The following CXCL13 variants were observed in gnomAD, a reference collection of about 807,000 sequenced individuals.
The protein encoded by CXCL13 is C-X-C motif chemokine ligand 13, also known as C-X-C motif chemokine 13.
CXCL13 carries 7 observed loss-of-function variants against 12.2 expected under a neutral mutation model. The ratio of observed to expected loss-of-function variants is 0.57; its 90% CI spans 0.33 to 1.07. CXCL13 has a LOEUF of 1.07. CXCL13 is among the 50% of genes least tolerant of loss of function. CXCL13 has a pLI of 0.04. For missense variants in CXCL13, 113 were observed against 127.4 expected (o/e 0.89, Z 0.55); for synonymous variants, 47 against 42.4 (o/e 1.11, Z -0.42).
chr4:77,520,889 C>T (rs1724577752), intron 1 of CXCL13, among the ~76,000 whole-genome samples: 1 of 152,142 alleles, frequency 6.6e-6, no homozygotes, highest in African/African-American at 2.4e-5. Context: ...AGATGTGTTC[C>T]ATCAATATCT....
At chr4:77,553,727 G>A (rs911052452) in intron 1 of CXCL13, among the ~76,000 whole-genome samples, 1 of 152,184 alleles carries the variant, frequency 6.6e-6, no homozygotes, top group Non-Finnish European at 1.5e-5. Flanking sequence ...TTGAAATGAA[G>A]CTCAAAGAGT....
Position 77,516,599 on chromosome 4 carries a change from G to T in CXCL13, c.-43+4811G>T, listed in dbSNP as rs1578031225. Among the ~76,000 whole-genome samples, 4 of 152,174 alleles carry T rather than the reference G, an allele frequency of 2.6e-5. No individual in the cohort carries two copies. In the South Asian group the frequency reaches 8.3e-4, roughly 32 times the overall value. ...GATTTTCTAGTTTATTTGCATAGAG[G>T]TGTTTGTAGTATTCTCTGATGGTAG... On this transcript the variant is annotated intron_variant, in intron 1 of 4. Transcript: ENST00000286758.
At chr4:77,555,917 AC>A (rs1725645919) in intron 1 of CXCL13, among the ~76,000 whole-genome samples, 1 of 152,184 alleles carries the variant, frequency 6.6e-6, no homozygotes, top group Non-Finnish European at 1.5e-5. Context: ...ATTTTTACAT[AC>A]CCATAGAATG....
intron 1 of CXCL13, among the ~76,000 whole-genome samples, chr4:77,565,391 G>A: frequency 6.6e-6 from 1 of 152,122 alleles, no homozygotes; most frequent in Admixed American, 6.5e-5. Flanking sequence ...GCTAATACTG[G>A]TATTTGGTGT....
intron 1 of CXCL13, among the ~76,000 whole-genome samples, chr4:77,577,302 T>G (rs1006090814): frequency 3.3e-5 from 5 of 152,160 alleles, no homozygotes; most frequent in African/African-American, 1.2e-4. Context: ...GGAGGAGAAC[T>G]CAATTCCATA....
Position 77,610,595 on chromosome 4 carries a change from A to G in CXCL13, c.198-19A>G. The G allele has an allele frequency of 6.4e-7, 1 of 1,573,146 alleles. No individual in the cohort carries two copies. The highest frequency in any genetic ancestry group is 8.8e-7 in the Non-Finnish European group (1 of 1,142,834). On this transcript the variant is annotated intron_variant, in intron 2 of 3. Transcript: ENST00000682537. ...ACTAAAATGTAAGACTGAATTATTT[A>G]ATTTTTATTTTCCCCCAGAGTCTGG...
intron 1 of CXCL13, among the ~76,000 whole-genome samples, chr4:77,576,460 G>C (rs1259815522): frequency 6.6e-6 from 1 of 152,152 alleles, no homozygotes; most frequent in African/African-American, 2.4e-5. Context: ...ATAATTGTTT[G>C]CATCAGTGCA....
At chr4:77,586,468 T>C (rs921888874) in intron 1 of CXCL13, among the ~76,000 whole-genome samples, 7 of 152,296 alleles carry the variant, frequency 4.6e-5, no homozygotes, top group African/African-American at 1.7e-4. Flanking sequence ...TCTTGCCAGG[T>C]CAGCTGAATA....
intron 1 of CXCL13, among the ~76,000 whole-genome samples, chr4:77,588,315 G>A (rs539268253): frequency 1.3e-5 from 2 of 152,300 alleles, no homozygotes; most frequent in South Asian, 2.1e-4. Context: ...TGCCCCTGAG[G>A]CATAAGATAA....
At chr4:77,558,600 G>A (rs138857006) in intron 1 of CXCL13, among the ~76,000 whole-genome samples, 8,392 of 152,230 alleles carry the variant, frequency 0.055, 738 homozygotes, top group African/African-American at 0.19. Context: ...TGATCTGCCC[G>A]CCTTGGCCTT....
chr4:77,603,141 C>G (rs59647595), upstream of CXCL13, among the ~76,000 whole-genome samples: 1 of 152,096 alleles, frequency 6.6e-6, no homozygotes, highest in Non-Finnish European at 1.5e-5. Flanking sequence ...ATACTCTTCC[C>G]GTTCTTGTCA....
upstream of CXCL13, among the ~76,000 whole-genome samples, chr4:77,604,460 T>C (rs891078083): frequency 6.6e-6 from 1 of 152,064 alleles, no homozygotes; most frequent in Non-Finnish European, 1.5e-5. Flanking sequence ...TATATTTGGA[T>C]TGCCATCATA....
Position 77,528,576 on chromosome 4 carries a change from C to G in CXCL13, c.-43+16788C>G, listed in dbSNP as rs147369001. Among the ~76,000 whole-genome samples the G allele has an allele frequency of 2.1e-3, 322 of 152,284 alleles. 2 individuals carry two copies. The highest frequency in any genetic ancestry group is 7.5e-3 in the African/African-American group (310 of 41,550). ...TGGCTTTTGGCTGCATAAATGTCTT[C>G]TTTTGAGAAGTGTCTGTTCACATCC... is the stretch of plus-strand genomic sequence containing the variant. On this transcript the variant is annotated intron_variant, in intron 1 of 4. Coordinates refer to the CXCL13 transcript ENST00000286758.
At chr4:77,561,079 G>T (rs76376582) in intron 1 of CXCL13, among the ~76,000 whole-genome samples, 3,661 of 152,160 alleles carry the variant, frequency 0.024, 154 homozygotes, top group African/African-American at 0.084. Flanking sequence ...AACTTTTTCT[G>T]TTTTAGGTAC....
At chr4:77,600,684 G>T (rs944525225) in intron 1 of CXCL13, among the ~76,000 whole-genome samples, 1 of 152,166 alleles carries the variant, frequency 6.6e-6, no homozygotes, top group Non-Finnish European at 1.5e-5. Flanking sequence ...GGTATGTGGT[G>T]GCCTCACTGT....
intron 1 of CXCL13, among the ~76,000 whole-genome samples, chr4:77,539,097 C>T (rs576412312): frequency 1.4e-5 from 2 of 148,130 alleles, no homozygotes; most frequent in Non-Finnish European, 3.0e-5. Context: ...TGGAGTCTAG[C>T]TCTGTCGCCC....
At chr4:77,514,844 C>T (rs1724375792) in intron 1 of CXCL13, among the ~76,000 whole-genome samples, 1 of 152,094 alleles carries the variant, frequency 6.6e-6, no homozygotes, top group African/African-American at 2.4e-5. Flanking sequence ...GCTTTTGTTG[C>T]CATTGCTTTT....
chr4:77,595,236 A>G (rs575316667), intron 1 of CXCL13, among the ~76,000 whole-genome samples: 10 of 152,054 alleles, frequency 6.6e-5, no homozygotes, highest in African/African-American at 2.4e-5. Flanking sequence ...CTCTTATGCT[A>G]TAATCAAGAA....
At chr4:77,601,282 A>G (rs902558262), upstream of CXCL13, among the ~76,000 whole-genome samples, 3 of 152,228 alleles carry the variant, frequency 2.0e-5, no homozygotes, top group African/African-American at 7.2e-5. Flanking sequence ...GCTCAAGATG[A>G]AAATGATGGC....
Sources: allele counts gnomAD v4.1 joint callset (sites outside exome capture counted in the v4.1 genomes callset), GRCh38; gene constraint gnomAD v4.1.1; transcripts MANE v1.5; gene names NCBI Gene and HGNC (gene_info 2026-07-23, HGNC 2026-07-21).